Variants in ST3GAL2 observed in about 807,000 individuals in gnomAD.
ST3GAL2 encodes CMP-N-acetylneuraminate-beta-galactosamide-alpha-2,3-sialyltransferase 2.
Under a neutral mutation model 37.5 loss-of-function variants are expected in ST3GAL2, and 16 were observed. The observed-to-expected ratio is 0.43, with a 90% CI of 0.29 to 0.65. The LOEUF is 0.65. Among genes scored for constraint, ST3GAL2 ranks in the 30% least tolerant of loss-of-function variants. The pLI, the probability that ST3GAL2 is intolerant of heterozygous loss-of-function variation, is 0.17. For synonymous variants in ST3GAL2, 238 were observed against 202.9 expected (o/e 1.17, Z -1.47); for missense variants, 383 against 487.8 (o/e 0.79, Z 2.02).
In ST3GAL2 at chr16:70,389,974, G is replaced by C. The variant is rs186473129; in HGVS notation, c.534-1428C>G. The stretch of plus-strand genomic sequence containing the variant: ...GCTAATTGTTTGCATTTTTAGTAGA[G>C]ACAGGGTTTCACCGTGTTAGCCAGG... On this transcript the variant is annotated intron_variant, in intron 3 of 6. Transcript: ENST00000342907. Among the ~76,000 whole-genome samples, 8 of 151,706 alleles carry C rather than the reference G, an allele frequency of 5.3e-5. No homozygotes were observed. The East Asian group carries it at 1.6e-3, about 30-fold the overall frequency.
intron 6 of ST3GAL2, among the ~76,000 whole-genome samples, 188 bp from the exon 7 acceptor site, chr16:70,382,050 CCTT>C (rs1336153279): frequency 1.9e-4 from 27 of 144,040 alleles, no homozygotes; most frequent in Admixed American, 1.2e-3. Context: ...GCAAATTCCT[CCTT>C]TTTTTTTTTT....
intron 1 of ST3GAL2, among the ~76,000 whole-genome samples, chr16:70,432,845 C>A (rs113040173): frequency 1.3e-5 from 2 of 152,180 alleles, no homozygotes; most frequent in African/African-American, 4.8e-5. Context: ...ACTGAAAGCA[C>A]AGAAGGGGAA....
chr16:70,403,688 CT>C (rs2151666359), intron 1 of ST3GAL2, among the ~76,000 whole-genome samples: 1 of 152,316 alleles, frequency 6.6e-6, no homozygotes, highest in African/African-American at 2.4e-5. Context: ...TGGTGGGTGC[CT>C]GTAATCCCAG....
At chr16:70,425,156 G>A (rs2047741419) in intron 1 of ST3GAL2, among the ~76,000 whole-genome samples, 1 of 151,660 alleles carries the variant, frequency 6.6e-6, no homozygotes, top group African/African-American at 2.4e-5. Context: ...AGTACAGCCT[G>A]GGCAACATAA....
In ST3GAL2 at chr16:70,398,313, C is replaced by T. The variant is rs763771934; in HGVS notation, c.218G>A (p.Arg73His). ...ERLSGKSCACRRCMGDAGASD... is the reference protein window; with the variant it reads ...ERLSGKSCACHRCMGDAGASD... ...GGCACCGGCATCGCCCATGCAGCGG[C>T]GACAGGCACAGCTCTTGCCCGAGAG... The change falls in exon 2 of 7, where the codon CGC becomes CAC. Residue 73 changes from arginine (R) to histidine (H), a missense_variant. Around this residue, in one of 2 missense-constraint regions of ST3GAL2, gnomAD observed 223 missense variants for 239.1 expected, o/e 0.93. Transcript: ENST00000342907. 6 of 1,613,292 alleles carry T rather than the reference C, an allele frequency of 3.7e-6. No individual in the cohort carries two copies. The highest frequency in any genetic ancestry group is 2.2e-5 in the South Asian group (2 of 91,096).
intron 4 of ST3GAL2, among the ~76,000 whole-genome samples, chr16:70,387,659 G>A (rs187625911): frequency 8.5e-5 from 13 of 152,292 alleles, no homozygotes; most frequent in Non-Finnish European, 1.3e-4. Flanking sequence ...TAGGTGAGAT[G>A]TATGGGATAT....
At chr16:70,413,748 TAATAAATAAATAAATAAATA>T (rs56300235) in intron 1 of ST3GAL2, among the ~76,000 whole-genome samples, 6 of 145,386 alleles carry the variant, frequency 4.1e-5, no homozygotes, top group African/African-American at 1.0e-4. Context: ...AAAAAGAAAA[TAATAAATAAATAAATAAATA>T]AATAAATAAA....
chr16:70,431,986 T>TATATA (rs5817697), intron 1 of ST3GAL2, among the ~76,000 whole-genome samples: 2 of 133,672 alleles, frequency 1.5e-5, no homozygotes, highest in African/African-American at 7.5e-5. Flanking sequence ...TATATATATA[T>TATATA]TTTTTTTTAA....
intron 1 of ST3GAL2, among the ~76,000 whole-genome samples, chr16:70,412,381 T>C (rs1597569662): frequency 6.6e-6 from 1 of 152,172 alleles, no homozygotes; most frequent in Non-Finnish European, 1.5e-5. Context: ...TGGCAGCTCA[T>C]GCCTGTAATC....
At chr16:70,403,204 T>C (rs1246809961) in intron 1 of ST3GAL2, among the ~76,000 whole-genome samples, 1 of 150,630 alleles carries the variant, frequency 6.6e-6, no homozygotes, top group Non-Finnish European at 1.5e-5. Flanking sequence ...AGTTGGAGGG[T>C]ACAAGGAGGG....
chr16:70,395,785 C>T (rs2047511812), intron 2 of ST3GAL2, among the ~76,000 whole-genome samples: 1 of 152,140 alleles, frequency 6.6e-6, no homozygotes, highest in Non-Finnish European at 1.5e-5. Flanking sequence ...ACAGGCCCAG[C>T]AAGTGCCACA....
chr16:70,383,384 G>C (rs1055158588), intron 4 of ST3GAL2, 149 bp from the exon 5 acceptor site: 1 of 643,060 alleles, frequency 1.6e-6, no homozygotes, highest in Non-Finnish European at 2.5e-6. Flanking sequence ...AGGAGTTTGA[G>C]GCCAGCCTGA....
At chr16:70,415,362 C>T (rs2047668815) in intron 1 of ST3GAL2, among the ~76,000 whole-genome samples, 1 of 152,210 alleles carries the variant, frequency 6.6e-6, no homozygotes. Context: ...ATCAAACTTA[C>T]TAGATTACAG....
At chr16:70,382,776 C>A in intron 6 of ST3GAL2, 29 bp downstream of exon 6, 2 of 1,613,454 alleles carry the variant, frequency 1.2e-6, no homozygotes, top group South Asian at 1.1e-5. Flanking sequence ...TCCATGGGTT[C>A]CCACCACCCA....
At chr16:70,388,288 C>G in intron 4 of ST3GAL2, 79 bp downstream of exon 4, 2 of 1,571,600 alleles carry the variant, frequency 1.3e-6, no homozygotes, top group Non-Finnish European at 1.7e-6. Context: ...TGAAAGGAAT[C>G]CTACAATCTG....
rs2047391666 is a variant in ST3GAL2 at position 70,380,514 on chromosome 16, C to T, written c.*1175G>A. ...CTGGGTTCAGCCATGCAAGCAGCTTCCAGGTGGAACCCCGGCCGCGAGCTT... is the reference window on the plus strand; with the variant it reads ...CTGGGTTCAGCCATGCAAGCAGCTTTCAGGTGGAACCCCGGCCGCGAGCTT... On this transcript the variant is annotated 3_prime_UTR_variant, in exon 7 of 7. Transcript: ENST00000342907. The T allele has an allele frequency of 6.6e-6, 1 of 152,302 alleles. No individual in the cohort carries two copies. The highest frequency in any genetic ancestry group is 1.5e-5 in the Non-Finnish European group (1 of 68,104). The allele number at this position is 152,302 out of a possible 1,614,324, so 9.4% of individuals were successfully genotyped here. A position where few individuals can be genotyped will look rare whatever the true frequency, so the allele number is the denominator to read the frequency against.
chr16:70,396,847 G>A (rs757116619), intron 2 of ST3GAL2, among the ~76,000 whole-genome samples: 1 of 152,156 alleles, frequency 6.6e-6, no homozygotes, highest in Non-Finnish European at 1.5e-5. Context: ...AGAGCCTTGG[G>A]GCAAGGTAGA....
At chr16:70,401,945 G>A (rs1262081524) in intron 1 of ST3GAL2, among the ~76,000 whole-genome samples, 1 of 131,952 alleles carries the variant, frequency 7.6e-6, no homozygotes, top group Non-Finnish European at 1.5e-5. Context: ...AGTGCGCCAA[G>A]ATCACGCCAT....
chr16:70,396,298 C>CA (rs35024720), intron 2 of ST3GAL2, among the ~76,000 whole-genome samples: 67,358 of 129,096 alleles, frequency 0.52, 19,127 homozygotes, highest in Non-Finnish European at 0.65. Context: ...TATTTTTACT[C>CA]AAAAAAAAAA....
Sources: gnomAD v4.1 joint callset for allele counts (sites outside exome capture counted in the v4.1 genomes callset) on GRCh38, gnomAD v4.1.1 for gene constraint, gnomAD v4.1.1 regional missense constraint, MANE v1.5 for transcripts, NCBI Gene and HGNC (gene_info 2026-07-23, HGNC 2026-07-21) for gene names.